The following ANKRD44 variants were observed in gnomAD, a reference collection of about 807,000 sequenced individuals.
The protein encoded by ANKRD44 is ankyrin repeat domain 44.
In ANKRD44, 35 loss-of-function variants were observed where a neutral mutation model predicts 116.0. The observed-to-expected ratio is 0.30, with a 90% CI of 0.23 to 0.40. The LOEUF (loss-of-function observed/expected upper bound fraction) is 0.40. ANKRD44 is among the 10% of genes least tolerant of loss of function. ANKRD44 has a pLI of 1.00. For missense variants in ANKRD44, 1,014 were observed against 1,242.6 expected (o/e 0.82, Z 2.77); for synonymous variants, 435 against 461.8 (o/e 0.94, Z 0.74).
At chr2:197,168,333 G>A (rs1044654086) in intron 2 of ANKRD44, among the ~76,000 whole-genome samples, 4 of 152,216 alleles carry the variant, frequency 2.6e-5, no homozygotes, top group Non-Finnish European at 5.9e-5. Flanking sequence ...AAAAGTCTCT[G>A]TGAGATTCTG....
intron 2 of ANKRD44, among the ~76,000 whole-genome samples, chr2:197,184,309 G>T (rs1190227358): frequency 6.6e-6 from 1 of 152,148 alleles, no homozygotes; most frequent in Non-Finnish European, 1.5e-5. Context: ...GAATATAAGT[G>T]GAAGTGATGT....
intron 16 of ANKRD44, among the ~76,000 whole-genome samples, chr2:197,038,884 G>A (rs944964600): frequency 1.3e-5 from 2 of 152,080 alleles, no homozygotes; most frequent in Non-Finnish European, 2.9e-5. Flanking sequence ...TTGCAGAAGC[G>A]AAAAGGGTTT....
At chr2:197,005,385 G>T (rs890889138) in intron 21 of ANKRD44, among the ~76,000 whole-genome samples, 1 of 152,056 alleles carries the variant, frequency 6.6e-6, no homozygotes, top group Non-Finnish European at 1.5e-5. Context: ...TGGGATCCTG[G>T]TTATATTATA....
At chr2:197,179,507 C>G (rs1263414167) in intron 2 of ANKRD44, among the ~76,000 whole-genome samples, 1 of 152,324 alleles carries the variant, frequency 6.6e-6, no homozygotes, top group East Asian at 1.9e-4. Flanking sequence ...TTTACATGCT[C>G]AAACTACTTA....
At chr2:197,246,970 T>C (rs2712888) in intron 1 of ANKRD44, among the ~76,000 whole-genome samples, 43,132 of 151,788 alleles carry the variant, frequency 0.28, 6,668 homozygotes, top group African/African-American at 0.41. Context: ...AATCCAAACA[T>C]TCGAGCCTGG....
intron 16 of ANKRD44, among the ~76,000 whole-genome samples, chr2:197,034,487 C>A (rs2076772021): frequency 6.7e-6 from 1 of 148,242 alleles, no homozygotes; most frequent in African/African-American, 2.5e-5. Context: ...CCATGGACTT[C>A]TATTGGCACA....
At chr2:197,228,178 A>G (rs1321639785) in intron 1 of ANKRD44, among the ~76,000 whole-genome samples, 2 of 152,250 alleles carry the variant, frequency 1.3e-5, no homozygotes, top group Non-Finnish European at 2.9e-5. Context: ...TTAGATAATT[A>G]CATAAAGAGC....
At chr2:197,005,410 T>G (rs1441026605) in intron 21 of ANKRD44, among the ~76,000 whole-genome samples, 1 of 152,202 alleles carries the variant, frequency 6.6e-6, no homozygotes, top group East Asian at 1.9e-4. Flanking sequence ...TCAGAAACCC[T>G]GAATAAAATT....
chr2:197,039,964 C>T lies in ANKRD44; in HGVS notation c.1651-14697G>A, dbSNP rs147862529. Reference sequence around the variant, plus strand: ...CCCACCCAGGCCAGGCGCAGTGGCTCATGCCTATAATCCCAGCACTTTGGG... The same window carrying T: ...CCCACCCAGGCCAGGCGCAGTGGCTTATGCCTATAATCCCAGCACTTTGGG... On this transcript the variant is annotated intron_variant, in intron 16 of 27. Transcript: ENST00000282272. 4.8e-4 allele frequency among the ~76,000 whole-genome samples: 72 copies of T among 151,244 alleles called. 2 individuals are homozygous for T. In the East Asian group the frequency reaches 0.012, roughly 25 times the overall value.
intron 23 of ANKRD44, 90 bp from the exon 24 acceptor site, chr2:196,999,142 T>G: frequency 6.8e-7 from 1 of 1,476,952 alleles, no homozygotes; most frequent in Non-Finnish European, 9.1e-7. Context: ...GGTGTTGTCT[T>G]AAGGATTTAA....
intron 16 of ANKRD44, among the ~76,000 whole-genome samples, chr2:197,049,649 T>A (rs2077068729): frequency 6.8e-6 from 1 of 146,912 alleles, no homozygotes; most frequent in African/African-American, 2.5e-5. Flanking sequence ...ACTGTATGAT[T>A]TTTTTTTTTA....
At chr2:197,235,270 C>T (rs962441723) in intron 1 of ANKRD44, among the ~76,000 whole-genome samples, 9 of 152,064 alleles carry the variant, frequency 5.9e-5, no homozygotes, top group Non-Finnish European at 1.3e-4. Flanking sequence ...TTGAAATTTC[C>T]GAATTCAAAC....
chr2:197,115,034 C>G (rs1260687675), intron 8 of ANKRD44, among the ~76,000 whole-genome samples: 1 of 152,174 alleles, frequency 6.6e-6, no homozygotes, highest in Non-Finnish European at 1.5e-5. Flanking sequence ...CCAACACAAC[C>G]TATTCCATAA....
At chr2:197,039,114 TAAAG>T (rs1347124383) in intron 16 of ANKRD44, among the ~76,000 whole-genome samples, 1 of 152,208 alleles carries the variant, frequency 6.6e-6, no homozygotes, top group Non-Finnish European at 1.5e-5. Flanking sequence ...TTCACCTTAA[TAAAG>T]AAATATTCTA....
At chr2:197,115,890 A>G (rs1015707681) in intron 8 of ANKRD44, among the ~76,000 whole-genome samples, 1 of 152,230 alleles carries the variant, frequency 6.6e-6, no homozygotes, top group African/African-American at 2.4e-5. Context: ...CGGAGGATAC[A>G]GACAGAATAG....
intron 2 of ANKRD44, chr2:197,148,046 G>A (rs887494221): frequency 1.0e-5 from 3 of 297,762 alleles, no homozygotes; most frequent in Non-Finnish European, 2.0e-5. Flanking sequence ...ATGGTAACAT[G>A]CAAGGGAAAA....
chr2:197,208,796 T>C (rs1247719457), intron 1 of ANKRD44, among the ~76,000 whole-genome samples: 1 of 151,802 alleles, frequency 6.6e-6, no homozygotes, highest in Non-Finnish European at 1.5e-5. Flanking sequence ...CGAGACTCTG[T>C]CTCAAAAAAA....
rs147440345 is a variant in ANKRD44, at chr2:197,257,125, G to A, written c.27+53453C>T. ...ACAGGTTTAGTGTTTAAAATTTCAG[G>A]TGCCTGAGCTTAAGCAGATTCCAGG... On this transcript the variant is annotated intron_variant, in intron 1 of 27. Coordinates refer to ENST00000282272, the MANE Select transcript of ANKRD44 (RefSeq NM_001195144.2). 2.9e-4 allele frequency among the ~76,000 whole-genome samples: 44 copies of A among 152,274 alleles called. 1 individual carries two copies. The highest frequency in any genetic ancestry group is 9.6e-4 in the African/African-American group (40 of 41,546).
chr2:196,983,816 C>G (rs940275459), downstream of ANKRD44, among the ~76,000 whole-genome samples: 1 of 152,178 alleles, frequency 6.6e-6, no homozygotes, highest in Non-Finnish European at 1.5e-5. Context: ...TGCCATGTGA[C>G]GGTGGGCCAA....
Sources: gnomAD v4.1 joint callset for allele counts (sites outside exome capture counted in the v4.1 genomes callset) on GRCh38, gnomAD v4.1.1 for gene constraint, MANE v1.5 for transcripts, NCBI Gene and HGNC (gene_info 2026-07-23, HGNC 2026-07-21) for gene names.